The following RANBP17 variants were observed in gnomAD, a reference collection of about 807,000 sequenced individuals.
The protein encoded by RANBP17 is ran-binding protein 17.
In RANBP17, 158 loss-of-function variants were observed where a neutral mutation model predicts 141.2. The ratio of observed to expected loss-of-function variants is 1.12; its 90% CI spans 0.98 to 1.28. The LOEUF (loss-of-function observed/expected upper bound fraction) is 1.28. Ranked by LOEUF, RANBP17 falls within the 50% of genes most tolerant of loss-of-function variation. RANBP17 has a pLI of 0.00. For synonymous variants in RANBP17, 430 were observed against 450.0 expected, an observed-to-expected ratio of 0.96 and a Z score of 0.56; for missense variants, 1,438 against 1,290.7, an observed-to-expected ratio of 1.11 and a Z score of -1.75.
At chr5:170,898,104 A>G (rs1770289396) in intron 5 of RANBP17, among the ~76,000 whole-genome samples, 1 of 152,166 alleles carries the variant, frequency 6.6e-6, no homozygotes, top group Non-Finnish European at 1.5e-5. Flanking sequence ...TCGCAATTCT[A>G]GCTGGCGTGA....
intron 25 of RANBP17, among the ~76,000 whole-genome samples, chr5:171,266,962 C>G (rs1292200748): frequency 2.7e-5 from 4 of 150,670 alleles, no homozygotes; most frequent in Admixed American, 6.6e-5. Flanking sequence ...AACATACATG[C>G]CAAAAATATT....
intron 20 of RANBP17, among the ~76,000 whole-genome samples, chr5:171,209,607 T>A (rs1209223939): frequency 1.3e-5 from 2 of 152,186 alleles, no homozygotes; most frequent in Non-Finnish European, 2.9e-5. Flanking sequence ...CAATAAAATG[T>A]CAGTGCGTTA....
At chr5:171,160,617 C>T (rs935455020) in intron 14 of RANBP17, among the ~76,000 whole-genome samples, 3 of 152,168 alleles carry the variant, frequency 2.0e-5, no homozygotes, top group African/African-American at 4.8e-5. Context: ...GCTTCAGAAT[C>T]TATTCCTAAC....
chr5:171,086,453 G>T lies in RANBP17; in HGVS notation c.1711-83677G>T, dbSNP rs1785662901. ...TTTGGTTGTGTCTCTGCCAGGCTTT[G>T]GTATCAGAATGATGCTGGCCTCATA... On this transcript the variant is annotated intron_variant, in intron 14 of 27. Transcript: ENST00000523189. Among the ~76,000 whole-genome samples the T allele has an allele frequency of 3.4e-5, 5 of 147,448 alleles. No homozygotes were observed. The East Asian group carries it at 1.0e-3, about 30-fold the overall frequency.
At chr5:171,294,229 G>T (rs574119597) in intron 26 of RANBP17, among the ~76,000 whole-genome samples, 6 of 152,244 alleles carry the variant, frequency 3.9e-5, no homozygotes, top group African/African-American at 1.4e-4. Flanking sequence ...CACCAGGTGG[G>T]TGGTTTGCTC....
chr5:171,069,478 G>A (rs1224973287), intron 14 of RANBP17, among the ~76,000 whole-genome samples: 1 of 152,138 alleles, frequency 6.6e-6, no homozygotes, highest in African/African-American at 2.4e-5. Context: ...TTTCAGTGGA[G>A]GAATTGATTA....
intron 14 of RANBP17, among the ~76,000 whole-genome samples, chr5:171,127,156 A>C (rs1423399148): frequency 6.6e-6 from 1 of 152,232 alleles, no homozygotes; most frequent in Middle Eastern, 3.2e-3. Flanking sequence ...CCAGGGATGC[A>C]AGGATGGTTC....
At chr5:170,944,814 C>G (rs1460086489) in intron 12 of RANBP17, among the ~76,000 whole-genome samples, 2 of 152,144 alleles carry the variant, frequency 1.3e-5, no homozygotes, top group African/African-American at 4.8e-5. Flanking sequence ...GCACAGCATT[C>G]TTTGATCTAA....
chr5:171,101,615 T>C (rs1787170101), intron 14 of RANBP17, among the ~76,000 whole-genome samples: 1 of 152,246 alleles, frequency 6.6e-6, no homozygotes, highest in Non-Finnish European at 1.5e-5. Context: ...AATATTGTTA[T>C]GTGTGAATAT....
At position 171,097,479 on chromosome 5, in the gene RANBP17, T is replaced by A. The variant is rs1416973205; in HGVS notation, c.1711-72651T>A. Among the ~76,000 whole-genome samples the A allele has an allele frequency of 2.6e-5, 4 of 152,064 alleles. No homozygotes were observed. In the East Asian group the frequency reaches 7.7e-4, roughly 29 times the overall value. Reference sequence around the variant, plus strand: ...TAAGTGTATACAGTTAGATACACAGTGAATGAGTAAACAAGTCTGTAAATT... The same window carrying A: ...TAAGTGTATACAGTTAGATACACAGAGAATGAGTAAACAAGTCTGTAAATT... On this transcript the variant is annotated intron_variant, in intron 14 of 27. Coordinates refer to ENST00000523189, the MANE Select transcript of RANBP17 (RefSeq NM_022897.5).
At chr5:171,006,979 G>A (rs1201584890) in intron 14 of RANBP17, among the ~76,000 whole-genome samples, 1 of 152,162 alleles carries the variant, frequency 6.6e-6, no homozygotes, top group African/African-American at 2.4e-5. Context: ...CTGCCTGATA[G>A]TTCCATTGGG....
At chr5:171,151,446 G>C (rs557491393) in intron 14 of RANBP17, among the ~76,000 whole-genome samples, 2 of 152,244 alleles carry the variant, frequency 1.3e-5, no homozygotes, top group East Asian at 3.9e-4. Flanking sequence ...GGGAAAATAA[G>C]AAGCAATTCC....
chr5:171,025,250 G>A (rs1781155264), intron 14 of RANBP17, among the ~76,000 whole-genome samples: 1 of 152,170 alleles, frequency 6.6e-6, no homozygotes, highest in Admixed American at 6.5e-5. Flanking sequence ...CAGAGTTACT[G>A]TAAATGAAAA....
chr5:170,969,249 T>C (rs1776814727), intron 14 of RANBP17, among the ~76,000 whole-genome samples: 1 of 151,840 alleles, frequency 6.6e-6, no homozygotes, highest in African/African-American at 2.4e-5. Context: ...TTTAAGGAAA[T>C]GATGCCATTT....
chr5:171,194,579 G>A, intron 18 of RANBP17, among the ~76,000 whole-genome samples: 1 of 152,158 alleles, frequency 6.6e-6, no homozygotes. Flanking sequence ...TAGTTTGGAT[G>A]TGCCATATTT....
chr5:171,004,008 G>A (rs1196349235), intron 14 of RANBP17, among the ~76,000 whole-genome samples: 1 of 152,208 alleles, frequency 6.6e-6, no homozygotes, highest in African/African-American at 2.4e-5. Context: ...ACCTGTAAGA[G>A]TTGTCCGGTT....
At chr5:170,907,551 TAC>T (rs899086200) in intron 5 of RANBP17, among the ~76,000 whole-genome samples, 3 of 152,132 alleles carry the variant, frequency 2.0e-5, no homozygotes, top group Non-Finnish European at 4.4e-5. Flanking sequence ...AAGTGCTCAG[TAC>T]ACCTAAGTTT....
intron 1 of RANBP17, among the ~76,000 whole-genome samples, chr5:170,865,253 G>A (rs1767146995): frequency 6.6e-6 from 1 of 152,192 alleles, no homozygotes; most frequent in Admixed American, 6.5e-5. Context: ...AGTAGAGACA[G>A]GGTTTCTCCA....
intron 14 of RANBP17, among the ~76,000 whole-genome samples, chr5:171,103,336 C>T (rs917814711): frequency 2.6e-5 from 4 of 152,172 alleles, no homozygotes; most frequent in East Asian, 1.9e-4. Context: ...CTGGCTACAG[C>T]GACTTTGCCT....
Sources: allele counts gnomAD v4.1 joint callset (sites outside exome capture counted in the v4.1 genomes callset), GRCh38; gene constraint gnomAD v4.1.1; transcripts MANE v1.5; gene names NCBI Gene and HGNC (gene_info 2026-07-23, HGNC 2026-07-21).